Variants in LDB2 observed in about 807,000 individuals in gnomAD.
The protein encoded by LDB2 is LIM domain-binding protein 2.
In LDB2, 12 loss-of-function variants were observed where a neutral mutation model predicts 44.3. The ratio of observed to expected loss-of-function variants is 0.27; its 90% confidence interval spans 0.17 to 0.44. The LOEUF (loss-of-function observed/expected upper bound fraction) is 0.44. Ranked by LOEUF, LDB2 falls within the 20% of genes least tolerant of loss-of-function variation. The probability of loss-of-function intolerance (pLI) is 1.00; values close to 1 mark genes in which losing one functional copy is unlikely to be tolerated. For synonymous variants in LDB2, 164 were observed against 174.8 expected, an observed-to-expected ratio of 0.94 and a Z score of 0.49; for missense variants, 344 against 473.5, an observed-to-expected ratio of 0.73 and a Z score of 2.54.
intron 1 of LDB2, among the ~76,000 whole-genome samples, chr4:16,814,168 C>G (rs1314204558): frequency 6.6e-6 from 1 of 152,190 alleles, no homozygotes; most frequent in Non-Finnish European, 1.5e-5. Flanking sequence ...CCGCACCCGG[C>G]CAGGGATACT....
chr4:16,791,764 C>G (rs1274065015), intron 1 of LDB2, among the ~76,000 whole-genome samples: 1 of 152,016 alleles, frequency 6.6e-6, no homozygotes, highest in Non-Finnish European at 1.5e-5. Context: ...GAGGCTTGCA[C>G]GAAGAAACCA....
At chr4:16,821,676 A>G (rs980096737) in intron 1 of LDB2, among the ~76,000 whole-genome samples, 1 of 136,750 alleles carries the variant, frequency 7.3e-6, no homozygotes, top group Non-Finnish European at 1.5e-5. Context: ...GGCGTGAGCC[A>G]CCGCGCCCGG....
At chr4:16,878,163 C>G (rs1373103016) in intron 1 of LDB2, among the ~76,000 whole-genome samples, 1 of 152,062 alleles carries the variant, frequency 6.6e-6, no homozygotes, top group East Asian at 1.9e-4. Flanking sequence ...CAGAGGAGGC[C>G]ATGGAGAAGT....
At chr4:16,844,454 T>C (rs1422405396) in intron 1 of LDB2, among the ~76,000 whole-genome samples, 1 of 152,134 alleles carries the variant, frequency 6.6e-6, no homozygotes, top group Non-Finnish European at 1.5e-5. Flanking sequence ...CTAAACTTTA[T>C]TTCACAAGAA....
chr4:16,851,548 C>T (rs183520074), intron 1 of LDB2, among the ~76,000 whole-genome samples: 41 of 150,936 alleles, frequency 2.7e-4, no homozygotes, highest in Admixed American at 2.2e-3. Context: ...GAGCCAAGCT[C>T]GCACCACTGC....
At chr4:16,738,157 A>G (rs1762277645) in intron 2 of LDB2, among the ~76,000 whole-genome samples, 1 of 152,256 alleles carries the variant, frequency 6.6e-6, no homozygotes, top group South Asian at 2.1e-4. Context: ...AACCAAAGAT[A>G]TCAACACCTG....
At position 16,590,010 on chromosome 4, in the gene LDB2, A is replaced by G. The variant is rs187761996; in HGVS notation, c.409-1178T>C. ...CTACCTGGAATTGTGCCTGGCATGTAGTAGGATAGCAGTAAATGATAGCGC... is the reference window on the plus strand; with the variant it reads ...CTACCTGGAATTGTGCCTGGCATGTGGTAGGATAGCAGTAAATGATAGCGC... On this transcript the variant is annotated intron_variant, in intron 3 of 7. Transcript: ENST00000304523. Among the ~76,000 whole-genome samples, 169 of 152,324 alleles carry G rather than the reference A, an allele frequency of 1.1e-3. 1 individual carries two copies. Among genetic ancestry groups the G allele is most frequent in the African/African-American group, 3.7e-3 (152 of 41,572 alleles).
intron 7 of LDB2, chr4:16,503,107 CTG>C (rs1366568225): frequency 6.5e-7 from 1 of 1,536,574 alleles, no homozygotes; most frequent in African/African-American, 1.4e-5. Context: ...CAGCCTGACA[CTG>C]GAGAACGAGC....
chr4:16,634,684 CTG>C (rs1578361668), intron 2 of LDB2, among the ~76,000 whole-genome samples: 1 of 152,234 alleles, frequency 6.6e-6, no homozygotes, highest in East Asian at 1.9e-4. Context: ...CACTTTTACA[CTG>C]TTGGCGGGAG....
intron 2 of LDB2, among the ~76,000 whole-genome samples, chr4:16,741,109 C>G (rs1307231387): frequency 6.6e-6 from 1 of 152,202 alleles, no homozygotes; most frequent in Non-Finnish European, 1.5e-5. Context: ...TTTGTATACA[C>G]AGAATTCTGG....
chr4:16,797,599 C>A (rs1382206952), intron 1 of LDB2, among the ~76,000 whole-genome samples: 1 of 152,046 alleles, frequency 6.6e-6, no homozygotes, highest in South Asian at 2.1e-4. Context: ...CTGTTACATT[C>A]TCGGGTCCTA....
At chr4:16,521,935 C>T (rs910777023) in intron 5 of LDB2, among the ~76,000 whole-genome samples, 2 of 152,096 alleles carry the variant, frequency 1.3e-5, no homozygotes, top group South Asian at 2.1e-4. Context: ...CTGGGAGCCT[C>T]GTGTGTTGTG....
In LDB2 at chr4:16,581,475, T is replaced by C. The variant is rs1043682299; in HGVS notation, c.615+4447A>G. ...TATCACTCAGCCAGGGTGTATTGTT[T>C]TGGCTCAAAACACCTACTTTTGTTG... is the stretch of plus-strand genomic sequence containing the variant. On this transcript the variant is annotated intron_variant, in intron 5 of 7. Coordinates refer to ENST00000304523, the MANE Select transcript of LDB2 (RefSeq NM_001290.5). 1.9e-5 allele frequency: 19 copies of C among 983,570 alleles called. No individual in the cohort carries two copies. The African/African-American group carries it at 3.3e-4, about 17-fold the overall frequency. The allele number at this position is 983,570 out of a possible 1,614,324, so 60.9% of individuals were successfully genotyped here. A position where few individuals can be genotyped will look rare whatever the true frequency, so the allele number is the denominator to read the frequency against.
At chr4:16,542,101 T>TTG (rs1553889138) in intron 5 of LDB2, among the ~76,000 whole-genome samples, 5 of 83,652 alleles carry the variant, frequency 6.0e-5, no homozygotes, top group Admixed American at 1.3e-4. Flanking sequence ...CATCAGGTGG[T>TTG]GGGGGGGGGG....
At chr4:16,891,426 C>T (rs1723368831) in intron 1 of LDB2, among the ~76,000 whole-genome samples, 1 of 150,660 alleles carries the variant, frequency 6.6e-6, no homozygotes, top group South Asian at 2.1e-4. Context: ...AATTCTCCTG[C>T]CTCAGCCTCC....
At chr4:16,629,064 C>T (rs914921240) in intron 2 of LDB2, among the ~76,000 whole-genome samples, 1 of 152,192 alleles carries the variant, frequency 6.6e-6, no homozygotes, top group African/African-American at 2.4e-5. Context: ...GGGCATCCGC[C>T]ATTGCTGAGG....
chr4:16,747,672 A>G (rs1480020703), intron 2 of LDB2, among the ~76,000 whole-genome samples: 4 of 152,182 alleles, frequency 2.6e-5, no homozygotes, highest in African/African-American at 4.8e-5. Context: ...GCTAACTTTA[A>G]TCTTTTTTTC....
At chr4:16,776,152 G>A (rs1329099654) in intron 1 of LDB2, among the ~76,000 whole-genome samples, 2 of 152,162 alleles carry the variant, frequency 1.3e-5, no homozygotes, top group African/African-American at 4.8e-5. Flanking sequence ...CTTCTTTGAT[G>A]GGTGACCTTA....
intron 2 of LDB2, among the ~76,000 whole-genome samples, chr4:16,706,306 GC>G (rs1490411494): frequency 6.6e-6 from 1 of 152,130 alleles, no homozygotes; most frequent in African/African-American, 2.4e-5. Flanking sequence ...TGAAGGTGGA[GC>G]CCCCACGAAT....
Sources: gnomAD v4.1 joint callset for allele counts (sites outside exome capture counted in the v4.1 genomes callset) on GRCh38, gnomAD v4.1.1 for gene constraint, MANE v1.5 for transcripts, NCBI Gene and HGNC (gene_info 2026-07-23, HGNC 2026-07-21) for gene names.